The following ANO4 variants were observed in gnomAD, a reference collection of about 807,000 sequenced individuals.
ANO4 encodes anoctamin 4.
A neutral mutation model predicts 141.9 loss-of-function variants in ANO4; 69 were observed. The ratio of observed to expected loss-of-function variants is 0.49; its 90% confidence interval spans 0.40 to 0.59. The LOEUF (loss-of-function observed/expected upper bound fraction) is 0.59. ANO4 is among the 20% of genes least tolerant of loss of function. The pLI, the probability that ANO4 is intolerant of heterozygous loss-of-function variation, is 0.00. For missense variants in ANO4, 894 were observed against 1,162.2 expected (o/e 0.77, Z 3.36); for synonymous variants, 350 against 394.3 (o/e 0.89, Z 1.33).
rs796208837 is a variant in ANO4 at position 100,734,520 on chromosome 12, G to A, written c.106+663G>A. Among the ~76,000 whole-genome samples, 22 of 152,278 alleles carry A rather than the reference G, an allele frequency of 1.4e-4. 1 individual carries two copies. Among genetic ancestry groups the A allele is most frequent in the African/African-American group, 5.3e-4 (22 of 41,578 alleles). ...AATAGCTACAGCTTATGCTTATTTT[G>A]CACTTATTGCCTGCCAGCTGCTCTT... On this transcript the variant is annotated intron_variant, in intron 2 of 29. Transcript: ENST00000644049.
intron 5 of ANO4, among the ~76,000 whole-genome samples, chr12:100,953,104 T>C (rs2043037646): frequency 6.6e-6 from 1 of 152,240 alleles, no homozygotes; most frequent in Non-Finnish European, 1.5e-5. Context: ...TTCTCTGATA[T>C]AAAGCACGTT....
intron 8 of ANO4, among the ~76,000 whole-genome samples, chr12:101,018,513 G>A (rs1347595865): frequency 5.3e-5 from 8 of 152,104 alleles, no homozygotes; most frequent in African/African-American, 1.4e-4. Context: ...TTATCCCAAA[G>A]TCACATTTCC....
intron 3 of ANO4, among the ~76,000 whole-genome samples, chr12:100,932,894 G>T (rs1190192482): frequency 1.3e-5 from 2 of 152,048 alleles, no homozygotes; most frequent in Non-Finnish European, 2.9e-5. Flanking sequence ...TTGCTGTTTT[G>T]TTCCCAAGTC....
At chr12:100,944,410 G>A (rs1233351643) in intron 5 of ANO4, among the ~76,000 whole-genome samples, 1 of 152,066 alleles carries the variant, frequency 6.6e-6, no homozygotes, top group Non-Finnish European at 1.5e-5. Flanking sequence ...ATTTTAATGT[G>A]TACTGGAAAA....
At chr12:101,073,261 T>C (rs949800102) in intron 14 of ANO4, among the ~76,000 whole-genome samples, 3 of 150,630 alleles carry the variant, frequency 2.0e-5, no homozygotes, top group African/African-American at 7.5e-5. Flanking sequence ...GATGAGTTCA[T>C]GTCCTTTACA....
intron 3 of ANO4, among the ~76,000 whole-genome samples, chr12:100,779,484 T>G (rs1593316270): frequency 6.6e-6 from 1 of 152,226 alleles, no homozygotes; most frequent in East Asian, 1.9e-4. Context: ...TTATTCTTAT[T>G]GATTCTACCA....
intron 5 of ANO4, among the ~76,000 whole-genome samples, chr12:100,950,392 G>C (rs1389644623): frequency 6.6e-6 from 1 of 152,216 alleles, no homozygotes; most frequent in Admixed American, 6.5e-5. Flanking sequence ...GAAGAAAGCA[G>C]ATTTTCTTCT....
intron 3 of ANO4, among the ~76,000 whole-genome samples, chr12:100,742,458 C>G (rs181970879): frequency 7.4e-4 from 112 of 152,168 alleles, no homozygotes; most frequent in African/African-American, 2.6e-3. Context: ...AAAGAAAACT[C>G]TGAGGTGAGA....
intron 23 of ANO4, 52 bp downstream of exon 23, chr12:101,110,608 T>A (rs1175393899): frequency 1.4e-6 from 2 of 1,394,338 alleles, no homozygotes; most frequent in Non-Finnish European, 1.9e-6. Flanking sequence ...ATCTGGTGGA[T>A]AAAATTTTAA....
chr12:101,055,917 G>A (rs1254154311), intron 14 of ANO4, among the ~76,000 whole-genome samples: 4 of 152,100 alleles, frequency 2.6e-5, no homozygotes, highest in African/African-American at 9.6e-5. Flanking sequence ...TGTCAAAAAC[G>A]CCGTTCTTTT....
At chr12:101,088,318 T>G (rs959838466) in intron 17 of ANO4, among the ~76,000 whole-genome samples, 17 of 152,128 alleles carry the variant, frequency 1.1e-4, no homozygotes, top group Non-Finnish European at 2.4e-4. Context: ...ATGTCACTTC[T>G]CTAGTAAATG....
At chr12:100,789,958 C>T (rs573724368), upstream of ANO4, among the ~76,000 whole-genome samples, 18 of 152,148 alleles carry the variant, frequency 1.2e-4, no homozygotes, top group South Asian at 6.2e-4. Flanking sequence ...AAAAACACTG[C>T]GGAAACACAG....
intron 3 of ANO4, among the ~76,000 whole-genome samples, chr12:100,766,097 A>G (rs1389060039): frequency 6.6e-6 from 1 of 152,108 alleles, no homozygotes; most frequent in Non-Finnish European, 1.5e-5. Context: ...TAAATATTCT[A>G]CATATAAGTA....
intron 8 of ANO4, among the ~76,000 whole-genome samples, chr12:100,997,982 CA>C (rs951967628): frequency 6.6e-6 from 1 of 152,170 alleles, no homozygotes; most frequent in African/African-American, 2.4e-5. Flanking sequence ...AGGTATCCAG[CA>C]AAATACTGCA....
intron 15 of ANO4, among the ~76,000 whole-genome samples, chr12:101,079,830 G>GC (rs5800455): frequency 0.41 from 62,547 of 151,924 alleles, 12,930 homozygotes; most frequent in African/African-American, 0.45. Flanking sequence ...GCCAGACTCA[G>GC]CCCACCACTG....
At chr12:101,009,960 C>G (rs1158560233) in intron 8 of ANO4, among the ~76,000 whole-genome samples, 1 of 152,092 alleles carries the variant, frequency 6.6e-6, no homozygotes. Context: ...ACCTTCACCC[C>G]ACTTCTTTAG....
chr12:100,889,934 A>AT (rs879257518), intron 1 of ANO4, among the ~76,000 whole-genome samples: 2 of 152,250 alleles, frequency 1.3e-5, no homozygotes, highest in African/African-American at 4.8e-5. Flanking sequence ...TCATAAATCC[A>AT]TTTTTCACCA....
intron 3 of ANO4, among the ~76,000 whole-genome samples, chr12:100,769,121 C>G (rs968838603): frequency 2.0e-5 from 3 of 152,168 alleles, no homozygotes; most frequent in Non-Finnish European, 4.4e-5. Flanking sequence ...ATTTTTCAGC[C>G]TAAAAATCCA....
At chr12:101,064,788 A>G (rs1279669255) in intron 14 of ANO4, among the ~76,000 whole-genome samples, 1 of 152,152 alleles carries the variant, frequency 6.6e-6, no homozygotes, top group Non-Finnish European at 1.5e-5. Flanking sequence ...TAAATGGAAA[A>G]TTCCAGAAAT....
Sources: allele counts gnomAD v4.1 joint callset (sites outside exome capture counted in the v4.1 genomes callset), GRCh38; gene constraint gnomAD v4.1.1; transcripts MANE v1.5; gene names NCBI Gene and HGNC (gene_info 2026-07-23, HGNC 2026-07-21).